ERI1: variants seen among roughly 807,000 people sequenced by gnomAD.
ERI1 encodes exoribonuclease 1, also known as 3'-5' exoribonuclease 1.
Under a neutral mutation model 39.7 loss-of-function variants are expected in ERI1, and 39 were observed. The observed-to-expected ratio is 0.98, with a 90% CI of 0.76 to 1.28. ERI1 has a LOEUF of 1.28. Among genes scored for constraint, ERI1 ranks in the 50% most tolerant of loss-of-function variants. The probability of loss-of-function intolerance (pLI) is 0.00; values close to 1 mark genes in which losing one functional copy is unlikely to be tolerated. For synonymous variants in ERI1, 204 were observed against 149.6 expected (o/e 1.36, Z -2.65); for missense variants, 581 against 416.9 (o/e 1.39, Z -3.43).
chr8:9,004,282 T>G, intron 1 of ERI1: 2 of 1,169,010 alleles, frequency 1.7e-6, no homozygotes, highest in Non-Finnish European at 2.1e-6. Context: ...TGAGATACGT[T>G]GTCAATCTCA....
chr8:9,064,199 A>G (rs970565514), intron 3 of ERI1, among the ~76,000 whole-genome samples: 5 of 148,830 alleles, frequency 3.4e-5, no homozygotes, highest in African/African-American at 1.2e-4. Flanking sequence ...CTTGCCCCCT[A>G]GAGAAGCGAT....
At chr8:9,081,959 C>T (rs532144874) in intron 3 of ERI1, among the ~76,000 whole-genome samples, 2 of 152,300 alleles carry the variant, frequency 1.3e-5, no homozygotes, top group East Asian at 1.9e-4. Flanking sequence ...AAAAGTTGTT[C>T]TCTCTGTATG....
chr8:9,045,476 A>G (rs1030646075), intron 3 of ERI1, among the ~76,000 whole-genome samples: 1 of 151,708 alleles, frequency 6.6e-6, no homozygotes, highest in Admixed American at 6.6e-5. Context: ...ATGGATACCA[A>G]AAACTGTGTT....
chr8:9,003,197 G>A (rs776585158), intron 1 of ERI1, 26 bp downstream of exon 1: 46 of 1,223,394 alleles, frequency 3.8e-5, no homozygotes, highest in Middle Eastern at 6.2e-4. Flanking sequence ...GCGCCTGGCT[G>A]TTGGCGCCAG....
At chr8:9,090,308 C>G (rs558881612) in intron 3 of ERI1, among the ~76,000 whole-genome samples, 23 of 152,280 alleles carry the variant, frequency 1.5e-4, no homozygotes, top group African/African-American at 5.3e-4. Context: ...GGGAGGACAC[C>G]TTGGTGCCAA....
At chr8:9,063,698 A>G (rs1054299081) in intron 3 of ERI1, among the ~76,000 whole-genome samples, 3 of 152,214 alleles carry the variant, frequency 2.0e-5, no homozygotes, top group African/African-American at 7.2e-5. Context: ...GACATCGGGC[A>G]TCTCAGACCA....
chr8:9,022,789 G>A (rs919887123), intron 6 of ERI1, among the ~76,000 whole-genome samples: 7 of 152,118 alleles, frequency 4.6e-5, no homozygotes, highest in African/African-American at 1.7e-4. Flanking sequence ...AACAGAAATA[G>A]GTATGAGTCC....
chr8:9,024,033 C>G (rs1047107850), intron 6 of ERI1, among the ~76,000 whole-genome samples: 6 of 152,054 alleles, frequency 3.9e-5, no homozygotes, highest in South Asian at 2.1e-4. Context: ...AAGTCCCAAC[C>G]TTGTGATCCG....
At position 9,026,623 on chromosome 8, in the gene ERI1, C is replaced by A. The variant is rs1041141659; in HGVS notation, c.808-3169C>A. ...TATTTACGGGCTGAGTATACCTAAT[C>A]CAAAAATTCAATATCTGAAATGCTC... is the stretch of plus-strand genomic sequence containing the variant. On this transcript the variant is annotated intron_variant, in intron 6 of 6. Coordinates refer to ENST00000250263, the MANE Select transcript of ERI1 (RefSeq NM_153332.4). Among the ~76,000 whole-genome samples the A allele has an allele frequency of 2.0e-5, 3 of 152,050 alleles. No homozygotes were observed. The East Asian group carries it at 5.8e-4, about 29-fold the overall frequency.
chr8:9,082,120 A>C (rs1229543766), intron 3 of ERI1, among the ~76,000 whole-genome samples: 1 of 152,222 alleles, frequency 6.6e-6, no homozygotes, highest in Non-Finnish European at 1.5e-5. Context: ...CGACTCCAGG[A>C]AGTGAAGTTT....
chr8:9,009,202 G>A (rs1816405318), intron 2 of ERI1: 1 of 388,848 alleles, frequency 2.6e-6, no homozygotes, highest in Non-Finnish European at 5.0e-6. Flanking sequence ...AGGCATTGAA[G>A]TTATAAAGGT....
intron 3 of ERI1, among the ~76,000 whole-genome samples, chr8:9,044,906 G>C (rs2117355851): frequency 6.6e-6 from 1 of 152,130 alleles, no homozygotes; most frequent in Non-Finnish European, 1.5e-5. Context: ...GAACTGTTCT[G>C]AAATCTCGCC....
intron 3 of ERI1, among the ~76,000 whole-genome samples, chr8:9,089,236 C>T (rs1040919568): frequency 6.6e-6 from 1 of 152,146 alleles, no homozygotes; most frequent in Non-Finnish European, 1.5e-5. Context: ...TGGCATATTC[C>T]AGACCATTCT....
At chr8:9,017,448 A>G (rs1161020811) in intron 4 of ERI1, among the ~76,000 whole-genome samples, 2 of 152,234 alleles carry the variant, frequency 1.3e-5, no homozygotes, top group African/African-American at 2.4e-5. Flanking sequence ...AGTGCCTACT[A>G]TAATATATGC....
chr8:9,083,649 C>T (rs1013316667), intron 3 of ERI1, among the ~76,000 whole-genome samples: 4 of 144,552 alleles, frequency 2.8e-5, no homozygotes, highest in East Asian at 3.9e-4. Flanking sequence ...AAAAAAAAAG[C>T]GGGGGGGAAG....
chr8:9,099,195 G>C (rs527822204), intron 3 of ERI1, among the ~76,000 whole-genome samples: 3 of 152,082 alleles, frequency 2.0e-5, no homozygotes, highest in Middle Eastern at 3.2e-3. Flanking sequence ...GATATGATGA[G>C]CATATCCATC....
chr8:9,062,615 C>G (rs983258227), intron 3 of ERI1: 3 of 145,442 alleles, frequency 2.1e-5, no homozygotes, highest in African/African-American at 7.3e-5. Flanking sequence ...AAGAAGGGGA[C>G]GGACTTAACC....
intron 3 of ERI1, among the ~76,000 whole-genome samples, chr8:9,074,011 C>T (rs1177854073): frequency 6.6e-6 from 1 of 152,146 alleles, no homozygotes; most frequent in East Asian, 1.9e-4. Context: ...GTCTTGAACT[C>T]GCAGGCTCAA....
At chr8:9,081,977 C>G (rs1799386804) in intron 3 of ERI1, among the ~76,000 whole-genome samples, 1 of 152,210 alleles carries the variant, frequency 6.6e-6, no homozygotes, top group Non-Finnish European at 1.5e-5. Flanking sequence ...ATGAAGAATT[C>G]TGCCTTCATC....
Sources: gnomAD v4.1 joint callset for allele counts (sites outside exome capture counted in the v4.1 genomes callset) on GRCh38, gnomAD v4.1.1 for gene constraint, MANE v1.5 for transcripts, NCBI Gene and HGNC (gene_info 2026-07-23, HGNC 2026-07-21) for gene names.